The following XPOT variants were observed in gnomAD, a reference collection of about 807,000 sequenced individuals.
The protein encoded by XPOT is exportin for tRNA.
A neutral mutation model predicts 128.2 loss-of-function variants in XPOT; 34 were observed. That is an observed-to-expected ratio of 0.27 (90% confidence interval 0.20 to 0.35). The LOEUF is 0.35. Ranked by LOEUF, XPOT falls within the 10% of genes least tolerant of loss-of-function variation. The probability of loss-of-function intolerance (pLI) is 1.00; values close to 1 mark genes in which losing one functional copy is unlikely to be tolerated. For synonymous variants in XPOT, 348 were observed against 394.3 expected, an observed-to-expected ratio of 0.88 and a Z score of 1.39; for missense variants, 838 against 1,125.3, an observed-to-expected ratio of 0.74 and a Z score of 3.65.
At position 64,433,518 on chromosome 12, in the gene XPOT, A is replaced by G; in HGVS notation, c.2367A>G (p.Leu789=). The part of the protein sequence containing the change: ...PAEENDQSAA[L]EKQMLRRSYF... Reference sequence around the variant, plus strand: ...AAGAAAATGACCAGTCTGCTGCTTTAGAGAAGCAGATGTTGCGGAGGAGTT... The same window carrying G: ...AAGAAAATGACCAGTCTGCTGCTTTGGAGAAGCAGATGTTGCGGAGGAGTT... Residue 789 remains leucine (L), a synonymous_variant, in exon 19 of 25, where the codon TTA becomes TTG. Coordinates refer to ENST00000332707, the MANE Select transcript of XPOT (RefSeq NM_007235.6). The G allele has an allele frequency of 6.2e-7, 1 of 1,613,270 alleles. No homozygotes were observed. Among genetic ancestry groups the G allele is most frequent in the Non-Finnish European group, 8.5e-7 (1 of 1,179,524 alleles).
chr12:64,405,403 A>G (rs1305643843), intron 1 of XPOT: 1 of 152,070 alleles, frequency 6.6e-6, no homozygotes, highest in Admixed American at 6.6e-5. Flanking sequence ...GTTTTATTAA[A>G]CCGACTTGTC....
rs542869836 is a variant in XPOT, at chr12:64,418,823, C to G, written c.271-53C>G. The G allele has an allele frequency of 4.8e-5, 75 of 1,557,454 alleles. No homozygotes were observed. The African/African-American group carries it at 9.8e-4, about 20-fold the overall frequency. ...CCTTTTAATAAGACAACTGGTGTTT[C>G]TGGGTCTTTTCAATTTACATTTAAT... On this transcript the variant is annotated intron_variant, in intron 5 of 24. Transcript: ENST00000332707.
chr12:64,444,988 A>AT, intron 23 of XPOT, 87 bp from the exon 24 acceptor site: 2 of 694,148 alleles, frequency 2.9e-6, no homozygotes, highest in Non-Finnish European at 4.3e-6. Context: ...AAAAAAAAAA[A>AT]TTAAAAAAAA....
intron 2 of XPOT, among the ~76,000 whole-genome samples, chr12:64,413,277 A>T (rs1057421171): frequency 3.9e-5 from 6 of 152,024 alleles, no homozygotes; most frequent in African/African-American, 1.4e-4. Flanking sequence ...TAATTTTTAA[A>T]TTTTTTGTAG....
At position 64,404,574 on chromosome 12, in the gene XPOT, C is replaced by G. The variant is rs1459673702; in HGVS notation, c.-305C>G. On this transcript the variant is annotated 5_prime_UTR_variant, in exon 1 of 25. Transcript: ENST00000332707. ...CTTGCTTGCTTGCTTGCTTGCCTGCCTGCCTGCCTGCCCGGCGCCACGCAA... is the reference window on the plus strand; with the variant it reads ...CTTGCTTGCTTGCTTGCTTGCCTGCGTGCCTGCCTGCCCGGCGCCACGCAA... 3 of 154,016 alleles carry G rather than the reference C, an allele frequency of 1.9e-5. No homozygotes were observed. The East Asian group carries it at 5.8e-4, about 30-fold the overall frequency. The allele number at this position is 154,016 out of a possible 1,614,324, so 9.5% of individuals were successfully genotyped here.
Position 64,425,038 on chromosome 12 carries a change from G to T in XPOT, c.1308G>T (p.Gln436His). ...SVRRVFSSTL[Q>H]NWQTTRFMEV... Reference sequence around the variant, plus strand: ...TCACTGACATATTATACCTTGGTAGGAATTGGCAGACTACACGGTTTATGG... The same window carrying T: ...TCACTGACATATTATACCTTGGTAGTAATTGGCAGACTACACGGTTTATGG... Residue 436 changes from glutamine (Q) to histidine (H), a missense_variant and splice_region_variant, in exon 13 of 25, where the codon CAG becomes CAT. By Grantham distance (24) the Gln-to-His change is conservative (BLOSUM62 0). Transcript: ENST00000332707. 6.2e-7 allele frequency: 1 copy of T among 1,612,360 alleles called. No individual in the cohort carries two copies.
chr12:64,420,283 A>G (rs1386667634), intron 7 of XPOT, 29 bp downstream of exon 7: 1 of 1,591,536 alleles, frequency 6.3e-7, no homozygotes, highest in Non-Finnish European at 8.5e-7. Flanking sequence ...TTTATAGTAT[A>G]AACTTGTAAA....
At chr12:64,406,044 C>T (rs1028317505) in intron 1 of XPOT, among the ~76,000 whole-genome samples, 1 of 152,164 alleles carries the variant, frequency 6.6e-6, no homozygotes, top group African/African-American at 2.4e-5. Flanking sequence ...ATTTTTCTCC[C>T]GATAGCTTCA....
chr12:64,445,364 G>A (rs1220998839), intron 24 of XPOT, among the ~76,000 whole-genome samples: 1 of 152,168 alleles, frequency 6.6e-6, no homozygotes, highest in East Asian at 1.9e-4. Flanking sequence ...AAACTAGAGG[G>A]ATTAGGAGAA....
intron 15 of XPOT, among the ~76,000 whole-genome samples, chr12:64,426,415 TTAATC>T (rs1179047134): frequency 2.6e-5 from 4 of 152,156 alleles, no homozygotes; most frequent in Admixed American, 6.5e-5. Flanking sequence ...CTGGAGGCCT[TTAATC>T]TAAGCAAATT....
chr12:64,439,891 AAAACTAGAATTACAATCT>A (rs1353915252), intron 23 of XPOT, among the ~76,000 whole-genome samples: 4 of 152,234 alleles, frequency 2.6e-5, no homozygotes, highest in Middle Eastern at 3.2e-3. Context: ...AAACTTGATT[AAAACTAGAATTACAATCT>A]CTTATGTAGA....
intron 16 of XPOT, among the ~76,000 whole-genome samples, chr12:64,429,224 T>C (rs2040217140): frequency 6.6e-6 from 1 of 152,180 alleles, no homozygotes. Context: ...AAGAAAAGTC[T>C]GTCCACCTTT....
Position 64,404,773 on chromosome 12 carries a change from A to T in XPOT, c.-106A>T, listed in dbSNP as rs1025002922. ...TCCGCTGGCTGACCATCTGGAGTGC[A>T]GGCTGGGAGGCGGGATGGAGTGATA... On this transcript the variant is annotated 5_prime_UTR_variant, in exon 1 of 25. Transcript: ENST00000332707. 1 of 152,280 alleles carries T rather than the reference A, an allele frequency of 6.6e-6. No homozygotes were observed. The highest frequency in any genetic ancestry group is 1.5e-5 in the Non-Finnish European group (1 of 68,160). 9.4% of individuals were successfully genotyped at this position (152,280 alleles called of 1,614,324 possible).
At chr12:64,411,731 G>A (rs566804937) in intron 2 of XPOT, among the ~76,000 whole-genome samples, 19 of 152,242 alleles carry the variant, frequency 1.2e-4, no homozygotes, top group Non-Finnish European at 2.6e-4. Context: ...GTTTGGTGGT[G>A]AGAAGAATGA....
In XPOT at chr12:64,430,033, C is replaced by G. The variant is rs1196587982; in HGVS notation, c.1738-16C>G. The stretch of plus-strand genomic sequence containing the variant: ...TCAAAAAATAAAAGCTTTAATAAGA[C>G]TGAATTTCATTCTAGGAGAATGGCC... On this transcript the variant is annotated splice_polypyrimidine_tract_variant and intron_variant, in intron 16 of 24. Coordinates refer to ENST00000332707, the MANE Select transcript of XPOT (RefSeq NM_007235.6). 1.3e-6 allele frequency: 2 copies of G among 1,550,346 alleles called. No individual in the cohort carries two copies. The highest frequency in any genetic ancestry group is 2.8e-5 in the African/African-American group (2 of 72,046).
chr12:64,409,112 C>G (rs1160195864), intron 1 of XPOT, among the ~76,000 whole-genome samples: 2 of 152,004 alleles, frequency 1.3e-5, no homozygotes, highest in African/African-American at 2.4e-5. Context: ...TTTCATTATC[C>G]TGTTCCTTTC....
intron 3 of XPOT, among the ~76,000 whole-genome samples, chr12:64,415,319 C>T (rs963827276): frequency 1.1e-4 from 16 of 151,384 alleles, no homozygotes; most frequent in Middle Eastern, 3.2e-3. Flanking sequence ...TTGGTAAAGA[C>T]GGTGATTGTA....
intron 18 of XPOT, among the ~76,000 whole-genome samples, 197 bp from the exon 19 acceptor site, chr12:64,433,217 A>T (rs1324483647): frequency 6.6e-6 from 1 of 152,214 alleles, no homozygotes; most frequent in Non-Finnish European, 1.5e-5. Context: ...AAGTGCTGGG[A>T]TTACAGGTGT....
Position 64,417,714 on chromosome 12 carries a change from TAAC to T in XPOT, c.201-329_201-327del, listed in dbSNP as rs539092648. ...TCTCTGACTTACTAATTAAGCAAAA[TAAC>T]AAATCACTACTGAGAGGATTCCTAG... On this transcript the variant is annotated intron_variant, in intron 4 of 24. Transcript: ENST00000332707. Among the ~76,000 whole-genome samples, 95 of 152,298 alleles carry T rather than the reference TAAC, an allele frequency of 6.2e-4. No homozygotes were observed. The South Asian group carries it at 0.02, about 32-fold the overall frequency.
Sources: allele counts gnomAD v4.1 joint callset (sites outside exome capture counted in the v4.1 genomes callset), GRCh38; gene constraint gnomAD v4.1.1; transcripts MANE v1.5; gene names NCBI Gene and HGNC (gene_info 2026-07-23, HGNC 2026-07-21).